DLG1: variants seen among roughly 807,000 people sequenced by gnomAD.
DLG1 encodes discs large MAGUK scaffold protein 1.
A neutral mutation model predicts 123.4 loss-of-function variants in DLG1; 42 were observed. The ratio of observed to expected loss-of-function variants is 0.34; its 90% confidence interval spans 0.27 to 0.44. DLG1 has a LOEUF of 0.44. Ranked by LOEUF, DLG1 falls within the 20% of genes least tolerant of loss-of-function variation. The pLI is 1.00. For missense variants in DLG1, 942 were observed against 1,082.6 expected (o/e 0.87, Z 1.82); for synonymous variants, 317 against 356.2 (o/e 0.89, Z 1.24).
intron 4 of DLG1, among the ~76,000 whole-genome samples, chr3:197,237,888 C>T (rs115101602): frequency 1.0e-3 from 154 of 152,310 alleles, no homozygotes; most frequent in African/African-American, 3.4e-3. Context: ...CACTGGCACC[C>T]AGCAGTTCTC....
chr3:197,185,564 A>G lies in DLG1; in HGVS notation c.483+8861T>C, dbSNP rs150354876. On this transcript the variant is annotated intron_variant, in intron 5 of 24. Coordinates refer to ENST00000667157, the MANE Select transcript of DLG1 (RefSeq NM_001366207.1). Reference sequence around the variant, plus strand: ...AATACTAAGGGCGGACAGGTAACTAAGAATCCTCTTGTGAAGGAAAAAATG... The same window carrying G: ...AATACTAAGGGCGGACAGGTAACTAGGAATCCTCTTGTGAAGGAAAAAATG... Among the ~76,000 whole-genome samples, 371 of 152,304 alleles carry G rather than the reference A, an allele frequency of 2.4e-3. 2 individuals carry two copies. Among genetic ancestry groups the G allele is most frequent in the Non-Finnish European group, 3.7e-3 (253 of 68,028 alleles).
intron 15 of DLG1, 58 bp from the exon 16 acceptor site, chr3:197,085,814 A>C: frequency 2.7e-6 from 4 of 1,501,024 alleles, no homozygotes; most frequent in Non-Finnish European, 3.6e-6. Context: ...TCAACATATC[A>C]TAGGGTTCTG....
intron 4 of DLG1, among the ~76,000 whole-genome samples, chr3:197,279,835 T>C (rs772527946): frequency 2.0e-5 from 3 of 152,206 alleles, no homozygotes; most frequent in Non-Finnish European, 4.4e-5. Flanking sequence ...TTTTCCAATC[T>C]TAAAGAATAC....
At chr3:197,135,654 G>A (rs1349281726) in intron 10 of DLG1, among the ~76,000 whole-genome samples, 3 of 152,132 alleles carry the variant, frequency 2.0e-5, no homozygotes, top group Non-Finnish European at 4.4e-5. Flanking sequence ...TAAAATGAAT[G>A]AACTTTAGCT....
At chr3:197,171,908 G>A (rs1438513902) in intron 5 of DLG1, among the ~76,000 whole-genome samples, 1 of 151,752 alleles carries the variant, frequency 6.6e-6, no homozygotes, top group Non-Finnish European at 1.5e-5. Flanking sequence ...ACCTAAAATG[G>A]GCCCTTAATG....
At chr3:197,101,100 GTTTT>G (rs530206520) in intron 14 of DLG1, among the ~76,000 whole-genome samples, 1 of 151,566 alleles carries the variant, frequency 6.6e-6, no homozygotes, top group Non-Finnish European at 1.5e-5. Flanking sequence ...ATGTTAATCT[GTTTT>G]TTTTGTCAGT....
chr3:197,140,360 G>A, intron 7 of DLG1, 96 bp from the exon 8 acceptor site: 1 of 1,258,002 alleles, frequency 7.9e-7, no homozygotes, highest in Non-Finnish European at 1.1e-6. Flanking sequence ...CTAACATAAG[G>A]AACACAACAA....
At chr3:197,191,900 G>A (rs1265849833) in intron 5 of DLG1, among the ~76,000 whole-genome samples, 1 of 152,176 alleles carries the variant, frequency 6.6e-6, no homozygotes. Flanking sequence ...TATGAGCCAG[G>A]TGCAGTGGCT....
At chr3:197,171,084 T>C (rs1803967909) in intron 5 of DLG1, among the ~76,000 whole-genome samples, 1 of 152,202 alleles carries the variant, frequency 6.6e-6, no homozygotes, top group Non-Finnish European at 1.5e-5. Flanking sequence ...TCTTTGGTTC[T>C]TTGTTTAAAG....
intron 5 of DLG1, among the ~76,000 whole-genome samples, chr3:197,157,301 G>A (rs1417052935): frequency 6.6e-6 from 1 of 152,176 alleles, no homozygotes; most frequent in African/African-American, 2.4e-5. Flanking sequence ...CACAAAAACT[G>A]TTAGAATTAT....
intron 17 of DLG1, among the ~76,000 whole-genome samples, chr3:197,077,341 C>T (rs1747946600): frequency 6.6e-6 from 1 of 151,466 alleles, no homozygotes. Flanking sequence ...CCATCAAGCA[C>T]ACAGAGTCCA....
At chr3:197,121,823 C>CAAAAAAAAAAAAAAAAA (rs71161995) in intron 11 of DLG1, among the ~76,000 whole-genome samples, 1 of 101,998 alleles carries the variant, frequency 9.8e-6, no homozygotes, top group Non-Finnish European at 1.9e-5. Context: ...ACAATCACCA[C>CAAAAAAAAAAAAAAAAA]AAAAAAAAAA....
chr3:197,239,719 CA>C (rs766524555), intron 4 of DLG1, among the ~76,000 whole-genome samples: 6 of 151,944 alleles, frequency 3.9e-5, no homozygotes, highest in Non-Finnish European at 8.8e-5. Flanking sequence ...AATGTCAGCA[CA>C]GAAGCAAGCT....
At chr3:197,063,928 A>ATT (rs34773162) in intron 22 of DLG1, among the ~76,000 whole-genome samples, 2,579 of 132,340 alleles carry the variant, frequency 0.019, 86 homozygotes, top group African/African-American at 0.065. Context: ...CTTAATTTAC[A>ATT]TTTTTTTTTT....
At chr3:197,152,220 C>A (rs1794217022) in intron 5 of DLG1, among the ~76,000 whole-genome samples, 1 of 152,086 alleles carries the variant, frequency 6.6e-6, no homozygotes, top group South Asian at 2.1e-4. Flanking sequence ...TCAAATGTCA[C>A]TGAGTGGTAG....
At chr3:197,282,618 CATA>C in intron 4 of DLG1, 58 bp downstream of exon 4, 2 of 1,085,986 alleles carry the variant, frequency 1.8e-6, no homozygotes, top group Non-Finnish European at 1.3e-6. Flanking sequence ...AATAAAGAAA[CATA>C]GTAACATAAA....
chr3:197,254,115 G>C (rs1755754317), intron 4 of DLG1, among the ~76,000 whole-genome samples: 1 of 152,200 alleles, frequency 6.6e-6, no homozygotes, highest in Non-Finnish European at 1.5e-5. Context: ...AGCCTTTAAT[G>C]ACGTGGGCTG....
chr3:197,127,459 T>A (rs13314887), intron 11 of DLG1, among the ~76,000 whole-genome samples: 44 of 11,702 alleles, frequency 3.8e-3, no homozygotes, highest in African/African-American at 6.0e-3. Context: ...AAAAAAAAAA[T>A]ATATATATAT....
intron 4 of DLG1, among the ~76,000 whole-genome samples, chr3:197,223,057 C>T (rs1737974698): frequency 6.6e-6 from 1 of 152,182 alleles, no homozygotes. Context: ...AGTTGGCATA[C>T]CTTCAGAGGC....
Sources: gnomAD v4.1 joint callset for allele counts (sites outside exome capture counted in the v4.1 genomes callset) on GRCh38, gnomAD v4.1.1 for gene constraint, MANE v1.5 for transcripts, NCBI Gene and HGNC (gene_info 2026-07-23, HGNC 2026-07-21) for gene names.